ERC2: variants seen among roughly 807,000 people sequenced by gnomAD.
ERC2 encodes ELKS/RAB6-interacting/CAST family member 2, also known as ERC protein 2.
ERC2 carries 42 observed loss-of-function variants against 114.8 expected under a neutral mutation model. The observed-to-expected ratio is 0.37, with a 90% CI of 0.29 to 0.47. The LOEUF (loss-of-function observed/expected upper bound fraction) is 0.47. Among genes scored for constraint, ERC2 ranks in the 20% least tolerant of loss-of-function variants. The probability of loss-of-function intolerance (pLI) is 0.99; values close to 1 mark genes in which losing one functional copy is unlikely to be tolerated. For missense variants in ERC2, 939 were observed against 1,150.7 expected (o/e 0.82, Z 2.66); for synonymous variants, 454 against 425.5 (o/e 1.07, Z -0.82).
At chr3:55,796,165 A>T (rs2149088067) in intron 14 of ERC2, among the ~76,000 whole-genome samples, 1 of 152,350 alleles carries the variant, frequency 6.6e-6, no homozygotes, top group Admixed American at 6.5e-5. Context: ...AGAGGAAGCC[A>T]GACACAGGAC....
intron 14 of ERC2, among the ~76,000 whole-genome samples, chr3:55,824,903 C>T: frequency 6.6e-6 from 1 of 152,296 alleles, no homozygotes; most frequent in Admixed American, 6.5e-5. Flanking sequence ...TTTAGATTTT[C>T]TCCACAAATT....
intron 3 of ERC2, 151 bp from the exon 4 acceptor site, chr3:56,173,671 C>A (rs976662200): frequency 6.4e-6 from 4 of 628,214 alleles, no homozygotes; most frequent in African/African-American, 3.7e-5. Context: ...CACTCTTTAG[C>A]ATCCCTCCTG....
chr3:55,539,411 C>CTTTTTTTTTTTT (rs1559619170), intron 17 of ERC2, among the ~76,000 whole-genome samples: 30 of 49,052 alleles, frequency 6.1e-4, no homozygotes, highest in Non-Finnish European at 8.9e-4. Context: ...CTCTTTTTTT[C>CTTTTTTTTTTTT]TTTCTTTTTT....
intron 17 of ERC2, among the ~76,000 whole-genome samples, chr3:55,617,207 G>A (rs1244313153): frequency 1.3e-5 from 2 of 152,230 alleles, no homozygotes; most frequent in Non-Finnish European, 2.9e-5. Flanking sequence ...CAAGGGGCTT[G>A]CCCTAGAGAT....
chr3:55,851,368 A>T (rs1171763824), intron 14 of ERC2, among the ~76,000 whole-genome samples: 1 of 152,122 alleles, frequency 6.6e-6, no homozygotes, highest in East Asian at 1.9e-4. Flanking sequence ...TGTTTGCTAC[A>T]ACTCTTTACA....
chr3:55,761,790 G>C (rs962415470), intron 14 of ERC2, among the ~76,000 whole-genome samples: 17 of 151,382 alleles, frequency 1.1e-4, no homozygotes, highest in African/African-American at 4.1e-4. Flanking sequence ...GCAGGAGAAT[G>C]GCATGAACCC....
intron 6 of ERC2, among the ~76,000 whole-genome samples, chr3:56,103,811 G>C (rs547993252): frequency 2.6e-5 from 4 of 151,700 alleles, no homozygotes; most frequent in African/African-American, 9.7e-5. Flanking sequence ...TTTTAAAGGG[G>C]CAGGAGGAGA....
At chr3:55,606,860 A>G (rs2058663251) in intron 17 of ERC2, 1 of 152,376 alleles carries the variant, frequency 6.6e-6, no homozygotes, top group Non-Finnish European at 1.5e-5. Context: ...GTAATGTTGG[A>G]TCTCGAAGGA....
At chr3:55,780,840 C>G (rs1482038705) in intron 14 of ERC2, among the ~76,000 whole-genome samples, 1 of 152,200 alleles carries the variant, frequency 6.6e-6, no homozygotes, top group Non-Finnish European at 1.5e-5. Flanking sequence ...TGGCAAATAT[C>G]TCCTCCCACC....
chr3:55,712,784 C>A (rs2063839000), intron 15 of ERC2, among the ~76,000 whole-genome samples: 1 of 152,144 alleles, frequency 6.6e-6, no homozygotes, highest in Non-Finnish European at 1.5e-5. Context: ...CTCACGTCTT[C>A]AGATATTTGA....
intron 17 of ERC2, among the ~76,000 whole-genome samples, chr3:55,622,109 C>T (rs778242804): frequency 6.6e-6 from 1 of 152,170 alleles, no homozygotes; most frequent in Non-Finnish European, 1.5e-5. Context: ...TGTCAAATTC[C>T]CCAGACTAAC....
intron 14 of ERC2, among the ~76,000 whole-genome samples, chr3:55,767,342 G>A (rs2067872924): frequency 6.6e-6 from 1 of 152,152 alleles, no homozygotes; most frequent in Non-Finnish European, 1.5e-5. Flanking sequence ...GCTCCAAAGT[G>A]GCATGTTTCA....
chr3:55,999,210 C>T (rs2071838404), intron 10 of ERC2, among the ~76,000 whole-genome samples: 1 of 152,018 alleles, frequency 6.6e-6, no homozygotes, highest in Non-Finnish European at 1.5e-5. Flanking sequence ...AGATAACCTG[C>T]ACAGTGTTAT....
intron 16 of ERC2, among the ~76,000 whole-genome samples, chr3:55,684,450 T>C (rs997755600): frequency 2.6e-5 from 4 of 152,208 alleles, no homozygotes; most frequent in Non-Finnish European, 4.4e-5. Context: ...GATTCTATTT[T>C]GCTCTCAGCA....
chr3:56,446,411 AGT>A (rs1007013059), intron 1 of ERC2, among the ~76,000 whole-genome samples: 4 of 152,110 alleles, frequency 2.6e-5, no homozygotes, highest in Non-Finnish European at 5.9e-5. Flanking sequence ...GAGCCTGTAC[AGT>A]GGGGCACAAA....
At chr3:55,543,366 C>T (rs1394648774) in intron 17 of ERC2, among the ~76,000 whole-genome samples, 1 of 152,130 alleles carries the variant, frequency 6.6e-6, no homozygotes, top group Non-Finnish European at 1.5e-5. Flanking sequence ...ATGTTTCGGC[C>T]GGACATCAAG....
At chr3:56,100,506 T>C (rs2078293444) in intron 6 of ERC2, among the ~76,000 whole-genome samples, 1 of 152,156 alleles carries the variant, frequency 6.6e-6, no homozygotes, top group African/African-American at 2.4e-5. Flanking sequence ...AATTCTACAC[T>C]CAACAAAACC....
intron 14 of ERC2, among the ~76,000 whole-genome samples, chr3:55,827,881 G>A (rs1232799088): frequency 6.6e-6 from 1 of 152,222 alleles, no homozygotes; most frequent in Admixed American, 6.5e-5. Flanking sequence ...CCTCATGAGA[G>A]ACTGTCATTT....
chr3:56,008,430 G>T (rs374516666), intron 9 of ERC2, among the ~76,000 whole-genome samples: 10 of 152,052 alleles, frequency 6.6e-5, no homozygotes, highest in Admixed American at 6.6e-4. Context: ...CTCAAACCCA[G>T]GTCTACAATT....
Sources: gnomAD v4.1 joint callset for allele counts (sites outside exome capture counted in the v4.1 genomes callset) on GRCh38, gnomAD v4.1.1 for gene constraint, MANE v1.5 for transcripts, NCBI Gene and HGNC (gene_info 2026-07-23, HGNC 2026-07-21) for gene names.